Variants in PRKN observed in about 807,000 individuals in gnomAD.
PRKN encodes parkin RBR E3 ubiquitin protein ligase.
Under a neutral mutation model 59.5 loss-of-function variants are expected in PRKN, and 56 were observed. The observed-to-expected ratio is 0.94, with a 90% CI of 0.76 to 1.18. The LOEUF is 1.18. Among genes scored for constraint, PRKN ranks in the 50% most tolerant of loss-of-function variants. PRKN has a pLI of 0.00. For missense variants in PRKN, 657 were observed against 596.4 expected, an observed-to-expected ratio of 1.10 and a Z score of -1.06; for synonymous variants, 250 against 222.1, an observed-to-expected ratio of 1.13 and a Z score of -1.12.
intron 1 of PRKN, among the ~76,000 whole-genome samples, chr6:162,453,040 T>G (rs919212438): frequency 6.6e-6 from 1 of 152,090 alleles, no homozygotes; most frequent in African/African-American, 2.4e-5. Flanking sequence ...AAAAGGTGGA[T>G]CGCAAGGCTC....
intron 1 of PRKN, among the ~76,000 whole-genome samples, chr6:162,530,924 G>A (rs1384575399): frequency 2.0e-5 from 3 of 151,768 alleles, no homozygotes; most frequent in Non-Finnish European, 2.9e-5. Context: ...GGGCATGGCC[G>A]CGTGTGCCTG....
intron 7 of PRKN, among the ~76,000 whole-genome samples, chr6:161,604,280 AAC>A (rs1782200865): frequency 6.6e-6 from 1 of 152,200 alleles, no homozygotes; most frequent in Admixed American, 6.5e-5. Context: ...GCACCTTCAA[AAC>A]ACAGAGACAA....
At chr6:162,564,616 TA>T (rs2128206992) in intron 1 of PRKN, among the ~76,000 whole-genome samples, 1 of 151,750 alleles carries the variant, frequency 6.6e-6, no homozygotes, top group Non-Finnish European at 1.5e-5. Flanking sequence ...AGGAAAGAAA[TA>T]AATAACATAC....
intron 2 of PRKN, among the ~76,000 whole-genome samples, chr6:162,390,394 TATACACACACACACAC>T (rs1787113270): frequency 8.3e-6 from 1 of 120,754 alleles, no homozygotes; most frequent in Non-Finnish European, 1.6e-5. Context: ...TATATATATA[TATACACACACACACAC>T]ACACACACAC....
intron 7 of PRKN, among the ~76,000 whole-genome samples, chr6:161,601,243 T>C (rs543546484): frequency 5.9e-5 from 9 of 152,276 alleles, no homozygotes; most frequent in Non-Finnish European, 1.0e-4. Flanking sequence ...TTTCTCACAG[T>C]TCTGGAGGCT....
intron 1 of PRKN, among the ~76,000 whole-genome samples, chr6:162,630,357 C>T (rs1305435159): frequency 5.3e-5 from 8 of 152,228 alleles, no homozygotes; most frequent in Middle Eastern, 3.4e-3. Context: ...ACTTTGATTT[C>T]CCAGGCTGCC....
intron 2 of PRKN, among the ~76,000 whole-genome samples, chr6:162,426,857 T>G (rs9347636): frequency 0.12 from 17,528 of 152,264 alleles, 1,380 homozygotes; most frequent in African/African-American, 0.23. Context: ...TAAACAAAGA[T>G]GAAGTAAGTT....
At chr6:162,229,122 T>C (rs535333856) in intron 3 of PRKN, among the ~76,000 whole-genome samples, 1 of 152,306 alleles carries the variant, frequency 6.6e-6, no homozygotes, top group South Asian at 2.1e-4. Context: ...GAGCTGCAGA[T>C]TTGTACAGCA....
At position 161,938,068 on chromosome 6, in the gene PRKN, T is replaced by A. The variant is rs111359851; in HGVS notation, c.734+35234A>T. The stretch of plus-strand genomic sequence containing the variant: ...TCAATATAAAATAAATTGGGCAACC[T>A]AGGTCAATATAAAATAAATTGGGCA... On this transcript the variant is annotated intron_variant, in intron 6 of 11. Coordinates refer to ENST00000366898, the MANE Select transcript of PRKN (RefSeq NM_004562.3). Among the ~76,000 whole-genome samples the A allele has an allele frequency of 1.8e-3, 276 of 152,320 alleles. 1 individual carries two copies. The highest frequency in any genetic ancestry group is 6.4e-3 in the African/African-American group (268 of 41,566).
intron 4 of PRKN, among the ~76,000 whole-genome samples, chr6:162,145,253 C>G (rs1781972101): frequency 6.6e-6 from 1 of 152,084 alleles, no homozygotes; most frequent in Non-Finnish European, 1.5e-5. Flanking sequence ...TAATAAAGAC[C>G]TGGATGTCAA....
chr6:162,691,865 G>A (rs1417520623), intron 1 of PRKN, among the ~76,000 whole-genome samples: 2 of 152,040 alleles, frequency 1.3e-5, no homozygotes, highest in Non-Finnish European at 2.9e-5. Flanking sequence ...GCAGCCTGGG[G>A]TAAATCTGTC....
chr6:161,550,218 G>A lies in PRKN; in HGVS notation c.934-1215C>T, dbSNP rs930267985. ...AGTGGGGCGGAGGCAGAGAGAACAA[G>A]GAGGGAAAAAAACAGAAGGTGAAGT... On this transcript the variant is annotated intron_variant, in intron 8 of 11. Transcript: ENST00000366898. This position sits in a 1 kb window ranked among gnomAD's most constrained non-coding sequence, Gnocchi z 4.0. Among the ~76,000 whole-genome samples the A allele has an allele frequency of 2.0e-5, 3 of 152,080 alleles. No homozygotes were observed. Among genetic ancestry groups the A allele is most frequent in the Admixed American group, 2.0e-4 (3 of 15,262 alleles).
intron 2 of PRKN, among the ~76,000 whole-genome samples, chr6:162,338,100 C>T (rs893125294): frequency 1.3e-5 from 2 of 152,126 alleles, no homozygotes; most frequent in African/African-American, 4.8e-5. Flanking sequence ...GACAGTGGCC[C>T]GGGAGACAGA....
rs551404975 is a variant in PRKN, at chr6:161,744,183, T to C, written c.871+41589A>G. On this transcript the variant is annotated intron_variant, in intron 7 of 11. Coordinates refer to ENST00000366898, the MANE Select transcript of PRKN (RefSeq NM_004562.3). ...TCTATTTTGCTAATTATTTACTGTT[T>C]TTTTTTCTTTTTTTTTTCAAACTGG... is the stretch of plus-strand genomic sequence containing the variant. 1.1e-4 allele frequency among the ~76,000 whole-genome samples: 17 copies of C among 151,544 alleles called. No individual in the cohort carries two copies. The South Asian group carries it at 3.5e-3, about 31-fold the overall frequency.
intron 7 of PRKN, among the ~76,000 whole-genome samples, chr6:161,716,417 G>A (rs1048535315): frequency 1.3e-5 from 2 of 152,076 alleles, no homozygotes; most frequent in Non-Finnish European, 2.9e-5. Flanking sequence ...ATGCGTGGGT[G>A]GCAATTTGCT....
intron 4 of PRKN, among the ~76,000 whole-genome samples, chr6:162,109,058 G>A (rs10455896): frequency 0.58 from 87,861 of 152,160 alleles, 26,140 homozygotes; most frequent in East Asian, 0.72. Flanking sequence ...ATTTCATGGG[G>A]TGGATTATGA....
intron 7 of PRKN, among the ~76,000 whole-genome samples, chr6:161,626,737 G>T (rs146065712): frequency 6.6e-6 from 1 of 152,188 alleles, no homozygotes. Context: ...GAACCGGGCC[G>T]CTTACAGACC....
intron 6 of PRKN, among the ~76,000 whole-genome samples, chr6:161,812,954 G>A (rs916099285): frequency 2.0e-5 from 3 of 152,214 alleles, no homozygotes; most frequent in African/African-American, 7.2e-5. Context: ...GGTCACAGCA[G>A]CATTATTTAT....
chr6:162,507,819 A>G (rs1308829059), intron 1 of PRKN, among the ~76,000 whole-genome samples: 1 of 152,182 alleles, frequency 6.6e-6, no homozygotes, highest in Non-Finnish European at 1.5e-5. Context: ...GGCATTCTGC[A>G]CAGATCCGAC....
Sources: gnomAD v4.1 joint callset for allele counts (sites outside exome capture counted in the v4.1 genomes callset) on GRCh38, gnomAD v4.1.1 for gene constraint, Gnocchi (gnomAD v3.1) non-coding constraint, MANE v1.5 for transcripts, NCBI Gene and HGNC (gene_info 2026-07-23, HGNC 2026-07-21) for gene names.